Variants in POLR1D observed in about 807,000 individuals in gnomAD.
The protein encoded by POLR1D is RNA polymerase I and III subunit D, also known as DNA-directed RNA polymerases I and III subunit RPAC2.
Under a neutral mutation model 10.8 loss-of-function variants are expected in POLR1D, and 8 were observed. The ratio of observed to expected loss-of-function variants is 0.74; its 90% CI spans 0.43 to 1.33. POLR1D has a LOEUF of 1.33. Ranked by LOEUF, POLR1D falls within the 40% of genes most tolerant of loss-of-function variation. The pLI is 0.01. For missense variants in POLR1D, 152 were observed against 161.7 expected (o/e 0.94, Z 0.32); for synonymous variants, 54 against 57.2 (o/e 0.94, Z 0.25).
rs1183733561 is a variant in POLR1D at position 27,663,781 on chromosome 13, A to G, written c.102-1905A>G. On this transcript the variant is annotated intron_variant, in intron 2 of 2. Coordinates refer to the POLR1D transcript ENST00000399697. This position sits in a 1 kb window ranked among gnomAD's most constrained non-coding sequence, Gnocchi z 4.1. ...CAGTTTACCACCACTGAGATGGCCC[A>G]CTTCAGTGAAAAGACCCCAGAATTC... Among the ~76,000 whole-genome samples the G allele has an allele frequency of 6.6e-6, 1 of 152,168 alleles. No individual in the cohort carries two copies. The highest frequency in any genetic ancestry group is 2.4e-5 in the African/African-American group (1 of 41,430).
Position 27,623,132 on chromosome 13 carries a change from C to A in POLR1D, c.284C>A (p.Pro95Gln). The change falls in exon 2 of 2, where the codon CCA becomes CAA. Residue 95 changes from proline to glutamine, a missense_variant. Coordinates refer to ENST00000302979, the MANE Select transcript of POLR1D (RefSeq NM_015972.4). ...CGAGGTACCCTTCCAGCTGTTGAGC[C>A]ATTTCAGAGAGGCCTGAATGAGCTC... ...QTRGTLPAVE[P>Q]FQRGLNELMN... The A allele has an allele frequency of 6.2e-7, 1 of 1,614,148 alleles. No individual in the cohort carries two copies. The highest frequency in any genetic ancestry group is 8.5e-7 in the Non-Finnish European group (1 of 1,180,040).
At chr13:27,652,897 T>A (rs1308293354) in intron 2 of POLR1D, among the ~76,000 whole-genome samples, 1 of 146,918 alleles carries the variant, frequency 6.8e-6, no homozygotes, top group Non-Finnish European at 1.5e-5. Context: ...TGCCAGAAGT[T>A]GCATTTACCA....
In POLR1D at chr13:27,622,972, T is replaced by G; in HGVS notation, c.124T>G (p.Phe42Val). 1 of 1,613,958 alleles carries G rather than the reference T, an allele frequency of 6.2e-7. No homozygotes were observed. Among genetic ancestry groups the G allele is most frequent in the Non-Finnish European group, 8.5e-7 (1 of 1,179,844 alleles). ...TGGAACAGATAGACACTGTGTGACA[T>G]TTGTATTGCACGAGGAAGACCATAC... ...AAGTDRHCVT[F>V]VLHEEDHTLG... Residue 42 changes from phenylalanine (F) to valine (V), a missense_variant, in exon 2 of 2, where the codon TTT (phenylalanine) becomes GTT (valine). Coordinates refer to ENST00000302979, the MANE Select transcript of POLR1D (RefSeq NM_015972.4).
At chr13:27,621,785 G>C (rs1190421013), upstream of POLR1D, 1 of 436,500 alleles carries the variant, frequency 2.3e-6, no homozygotes, top group Middle Eastern at 4.7e-4. Context: ...CCGCGTCGGG[G>C]CGGGGGCTGG....
intron 2 of POLR1D, among the ~76,000 whole-genome samples, chr13:27,662,047 A>G (rs1424861419): frequency 3.3e-5 from 5 of 152,230 alleles, no homozygotes; most frequent in Admixed American, 3.3e-4. Context: ...AAACTTATGT[A>G]AAATGTCTCA....
At chr13:27,654,834 T>G (rs1454157345) in intron 2 of POLR1D, among the ~76,000 whole-genome samples, 4 of 152,304 alleles carry the variant, frequency 2.6e-5, no homozygotes, top group Non-Finnish European at 5.9e-5. Flanking sequence ...ACTGGTACAG[T>G]TTTTCATCAC....
chr13:27,626,853 T>G (rs1160493580), downstream of POLR1D, among the ~76,000 whole-genome samples: 1 of 152,226 alleles, frequency 6.6e-6, no homozygotes, highest in Non-Finnish European at 1.5e-5. Context: ...AACATCTAAG[T>G]ACTCTAATTA....
chr13:27,647,353 GT>G, intron 1 of POLR1D, among the ~76,000 whole-genome samples: 1 of 151,832 alleles, frequency 6.6e-6, no homozygotes, highest in East Asian at 1.9e-4. Flanking sequence ...TCATCTTACT[GT>G]TTTGATAACA....
intron 1 of POLR1D, among the ~76,000 whole-genome samples, chr13:27,641,824 A>G (rs905043508): frequency 7.2e-5 from 11 of 152,282 alleles, no homozygotes; most frequent in Non-Finnish European, 1.3e-4. Flanking sequence ...TGATTTGGAC[A>G]GAGGGCATAA....
intron 1 of POLR1D, among the ~76,000 whole-genome samples, chr13:27,636,237 C>A (rs1034630230): frequency 6.6e-6 from 1 of 152,078 alleles, no homozygotes; most frequent in Non-Finnish European, 1.5e-5. Flanking sequence ...GGTGACCATA[C>A]ATGCCATCTA....
downstream of POLR1D, among the ~76,000 whole-genome samples, chr13:27,628,108 C>G (rs1008279286): frequency 6.6e-6 from 1 of 152,198 alleles, no homozygotes; most frequent in Admixed American, 6.5e-5. Context: ...ACCCTTACCT[C>G]CTTCCCCAAC....
At chr13:27,646,376 G>A (rs758790607) in intron 1 of POLR1D, among the ~76,000 whole-genome samples, 13 of 152,172 alleles carry the variant, frequency 8.5e-5, no homozygotes, top group Non-Finnish European at 1.6e-4. Context: ...TGCTTGAACT[G>A]TAAGAGACAA....
At chr13:27,665,784 A>G in exon 3 of POLR1D, 1 of 1,614,072 alleles carries the variant, frequency 6.2e-7, no homozygotes, top group Non-Finnish European at 8.5e-7. Flanking sequence ...GAACAAAAAG[A>G]GGGCGATAAG....
intron 2 of POLR1D, among the ~76,000 whole-genome samples, chr13:27,652,317 G>A (rs182054259): frequency 4.3e-4 from 65 of 152,180 alleles, no homozygotes; most frequent in Non-Finnish European, 7.5e-4. Context: ...TAGTGTATCA[G>A]TGCTAGTTCT....
chr13:27,663,124 CT>C lies in POLR1D; in HGVS notation c.102-2561del, dbSNP rs1314307667. 2.6e-5 allele frequency among the ~76,000 whole-genome samples: 4 copies of C among 152,226 alleles called. No individual in the cohort carries two copies. The highest frequency in any genetic ancestry group is 7.2e-5 in the African/African-American group (3 of 41,462). The stretch of plus-strand genomic sequence containing the variant: ...GATGTTGCCGTCCTTAGACTTGGAT[CT>C]ATTCTGTGCAGATTTTGGAATTTCT... On this transcript the variant is annotated intron_variant, in intron 2 of 2. Coordinates refer to the POLR1D transcript ENST00000399697. This position sits in a 1 kb window ranked among gnomAD's most constrained non-coding sequence, Gnocchi z 4.1.
At chr13:27,666,770 C>T (rs1956422573) in exon 3 of POLR1D, 1 of 152,096 alleles carries the variant, frequency 6.6e-6, no homozygotes, top group African/African-American at 2.4e-5. Flanking sequence ...GTTTACAATG[C>T]CTTTTTTCCC....
chr13:27,660,312 C>G (rs573297999), intron 2 of POLR1D, among the ~76,000 whole-genome samples: 181 of 152,230 alleles, frequency 1.2e-3, no homozygotes, highest in Non-Finnish European at 1.6e-3. Flanking sequence ...TTATTCCAGA[C>G]CTACATCCAT....
intron 1 of POLR1D, among the ~76,000 whole-genome samples, chr13:27,636,597 G>GTAATTGAAAT (rs1956126399): frequency 6.6e-6 from 1 of 152,148 alleles, no homozygotes; most frequent in African/African-American, 2.4e-5. Flanking sequence ...AAATTTAGGG[G>GTAATTGAAAT]TCTAATATTT....
At chr13:27,634,715 AC>A (rs1956106033) in intron 1 of POLR1D, among the ~76,000 whole-genome samples, 1 of 139,554 alleles carries the variant, frequency 7.2e-6, no homozygotes, top group Non-Finnish European at 1.5e-5. Flanking sequence ...TCACTCTGTC[AC>A]CCAGGCTGGA....
Sources: allele counts gnomAD v4.1 joint callset (sites outside exome capture counted in the v4.1 genomes callset), GRCh38; gene constraint gnomAD v4.1.1; non-coding constraint Gnocchi (gnomAD v3.1); transcripts MANE v1.5; gene names NCBI Gene and HGNC (gene_info 2026-07-23, HGNC 2026-07-21).